The following PRXL2A variants were observed in gnomAD, a reference collection of about 807,000 sequenced individuals.
PRXL2A encodes peroxiredoxin-like 2A.
In PRXL2A, 26 loss-of-function variants were observed where a neutral mutation model predicts 25.6. The observed-to-expected ratio is 1.02, with a 90% CI of 0.74 to 1.41. PRXL2A has a LOEUF of 1.41. PRXL2A is among the 40% of genes most tolerant of loss of function. PRXL2A has a pLI of 0.00. For missense variants in PRXL2A, 246 were observed against 273.9 expected (o/e 0.90, Z 0.72); for synonymous variants, 98 against 102.9 (o/e 0.95, Z 0.29).
At chr10:80,417,268 CG>C (rs2131886039) in intron 1 of PRXL2A, among the ~76,000 whole-genome samples, 1 of 152,092 alleles carries the variant, frequency 6.6e-6, no homozygotes, top group Non-Finnish European at 1.5e-5. Flanking sequence ...ATGTCGGACC[CG>C]AACTCAAGGC....
intron 1 of PRXL2A, among the ~76,000 whole-genome samples, chr10:80,418,958 A>C (rs1844761231): frequency 6.6e-6 from 1 of 152,104 alleles, no homozygotes; most frequent in South Asian, 2.1e-4. Flanking sequence ...CCTCCTCTGC[A>C]GATGCCATAG....
chr10:80,431,418 C>T (rs1190349332), intron 5 of PRXL2A, among the ~76,000 whole-genome samples: 1 of 151,722 alleles, frequency 6.6e-6, no homozygotes, highest in African/African-American at 2.4e-5. Context: ...TGATCTCAAA[C>T]ATGTTATTTT....
intron 5 of PRXL2A, among the ~76,000 whole-genome samples, chr10:80,428,863 TG>T (rs1845138907): frequency 6.6e-6 from 1 of 152,212 alleles, no homozygotes; most frequent in African/African-American, 2.4e-5. Context: ...CTTCCCAATT[TG>T]GGAGGAATAA....
intron 1 of PRXL2A, among the ~76,000 whole-genome samples, chr10:80,419,312 CT>C (rs71482779): frequency 0.16 from 13,778 of 83,520 alleles, 858 homozygotes; most frequent in South Asian, 0.35. Context: ...TTTTTTTTTT[CT>C]TTTTTTTTTT....
intron 1 of PRXL2A, among the ~76,000 whole-genome samples, chr10:80,417,255 A>G (rs978267166): frequency 2.0e-5 from 3 of 151,282 alleles, no homozygotes; most frequent in African/African-American, 4.9e-5. Context: ...AGATATAGGG[A>G]GTATGTCGGA....
At position 80,435,461 on chromosome 10, in the gene PRXL2A, G is replaced by A. The variant is rs1845378743; in HGVS notation, c.*3362G>A. 2 of 151,908 alleles carry A rather than the reference G, an allele frequency of 1.3e-5. No homozygotes were observed. The highest frequency in any genetic ancestry group is 2.4e-5 in the African/African-American group (1 of 41,356). 9.4% of individuals were successfully genotyped at this position (151,908 alleles called of 1,614,324 possible). ...TCTCAAGATTCCAGTGGGCAGTCTG[G>A]GTGGGCCTGAGTTTCTGCTTTTTTT... On this transcript the variant is annotated 3_prime_UTR_variant, in exon 6 of 6. Transcript: ENST00000606162.
At chr10:80,421,331 C>T (rs577206776) in intron 2 of PRXL2A, among the ~76,000 whole-genome samples, 1 of 152,306 alleles carries the variant, frequency 6.6e-6, no homozygotes, top group African/African-American at 2.4e-5. Flanking sequence ...GCTCTGCCTC[C>T]TTGCTGTGTG....
chr10:80,428,280 A>G (rs1168848774), intron 5 of PRXL2A, among the ~76,000 whole-genome samples: 4 of 152,218 alleles, frequency 2.6e-5, no homozygotes, highest in African/African-American at 9.6e-5. Flanking sequence ...GTCAGAGTCT[A>G]GGCAGCCTTG....
intron 2 of PRXL2A, 109 bp downstream of exon 2, chr10:80,420,754 A>C (rs994932717): frequency 3.8e-6 from 3 of 790,322 alleles, no homozygotes; most frequent in African/African-American, 1.8e-5. Context: ...ATAATATAAC[A>C]ACATTAGGAA....
intron 3 of PRXL2A, 150 bp downstream of exon 3, chr10:80,422,658 G>T: frequency 1.7e-5 from 8 of 481,064 alleles, no homozygotes; most frequent in South Asian, 1.0e-4. Context: ...TCTTTGATTT[G>T]TGCTCTTTTT....
chr10:80,431,836 G>A, intron 5 of PRXL2A, 150 bp from the exon 6 acceptor site: 1 of 647,592 alleles, frequency 1.5e-6, no homozygotes, highest in Non-Finnish European at 2.7e-6. Context: ...CTCAAAGACT[G>A]AACTCCTTGA....
chr10:80,416,471 A>G (rs1844664779), intron 1 of PRXL2A, among the ~76,000 whole-genome samples: 1 of 152,176 alleles, frequency 6.6e-6, no homozygotes, highest in African/African-American at 2.4e-5. Context: ...GAGGGGGTGA[A>G]TCAACACCTC....
At chr10:80,424,416 A>G (rs1471233405) in intron 3 of PRXL2A, among the ~76,000 whole-genome samples, 1 of 150,108 alleles carries the variant, frequency 6.7e-6, no homozygotes, top group African/African-American at 2.4e-5. Context: ...AAAAAAAAAA[A>G]AAAAAAAAAA....
chr10:80,418,209 C>G (rs775845539), intron 1 of PRXL2A, among the ~76,000 whole-genome samples: 14 of 151,946 alleles, frequency 9.2e-5, no homozygotes, highest in Non-Finnish European at 1.9e-4. Flanking sequence ...TCTGTTATTT[C>G]TGTCTTCATG....
intron 4 of PRXL2A, among the ~76,000 whole-genome samples, 170 bp from the exon 5 acceptor site, chr10:80,427,162 G>A (rs199788217): frequency 3.6e-5 from 5 of 139,042 alleles, no homozygotes; most frequent in African/African-American, 1.1e-4. Context: ...AAAAAAAAAA[G>A]AGTGGACCTG....
In PRXL2A at chr10:80,433,994, G is replaced by A. The variant is rs1246415157; in HGVS notation, c.*1895G>A. The A allele has an allele frequency of 2.6e-5, 4 of 152,160 alleles. No homozygotes were observed. Among genetic ancestry groups the A allele is most frequent in the African/African-American group, 7.2e-5 (3 of 41,418 alleles). The allele number at this position is 152,160 out of a possible 1,614,324, so 9.4% of individuals were successfully genotyped here. ...TAAAAATACAAAATATTAGACAGAC[G>A]GGGTGGTACATGCCTGTAATCCCAG... On this transcript the variant is annotated 3_prime_UTR_variant, in exon 6 of 6. Transcript: ENST00000606162.
At chr10:80,416,642 T>TG (rs1352244301) in intron 1 of PRXL2A, among the ~76,000 whole-genome samples, 8 of 152,206 alleles carry the variant, frequency 5.3e-5, no homozygotes, top group Non-Finnish European at 1.0e-4. Context: ...CTCAGGGTCT[T>TG]GGCGGGGGGC....
intron 3 of PRXL2A, among the ~76,000 whole-genome samples, chr10:80,423,752 TC>T (rs150807356): frequency 0.016 from 2,437 of 152,314 alleles, 61 homozygotes; most frequent in African/African-American, 0.056. Flanking sequence ...GCCACCCGGA[TC>T]GGGGAGATGT....
At chr10:80,409,175 C>T (rs1008789252) in intron 1 of PRXL2A, 12 of 623,344 alleles carry the variant, frequency 1.9e-5, no homozygotes, top group Non-Finnish European at 2.2e-5. Flanking sequence ...GCACCTGTTC[C>T]CCCTCTTTCC....
Sources: allele counts gnomAD v4.1 joint callset (sites outside exome capture counted in the v4.1 genomes callset), GRCh38; gene constraint gnomAD v4.1.1; transcripts MANE v1.5; gene names NCBI Gene and HGNC (gene_info 2026-07-23, HGNC 2026-07-21).